The following KHDRBS2 variants were observed in gnomAD, a reference collection of about 807,000 sequenced individuals.
KHDRBS2 encodes the protein KH RNA binding domain containing, signal transduction associated 2, also known as KH domain-containing, RNA-binding, signal transduction-associated protein 2.
A neutral mutation model predicts 44.3 loss-of-function variants in KHDRBS2; 26 were observed. The observed-to-expected ratio is 0.59, with a 90% CI of 0.43 to 0.81. KHDRBS2 has a LOEUF of 0.81. Among genes scored for constraint, KHDRBS2 ranks in the 40% least tolerant of loss-of-function variants. The pLI is 0.00. For missense variants in KHDRBS2, 476 were observed against 433.1 expected, an observed-to-expected ratio of 1.10 and a Z score of -0.88; for synonymous variants, 194 against 151.1, an observed-to-expected ratio of 1.28 and a Z score of -2.08.
chr6:62,053,163 A>T (rs994410544), intron 2 of KHDRBS2, among the ~76,000 whole-genome samples: 16 of 152,054 alleles, frequency 1.1e-4, no homozygotes, highest in Non-Finnish European at 2.4e-4. Context: ...TCATAATGAA[A>T]TGTACTATAA....
At chr6:62,257,548 A>C (rs1837597421) in intron 1 of KHDRBS2, among the ~76,000 whole-genome samples, 1 of 152,066 alleles carries the variant, frequency 6.6e-6, no homozygotes, top group Admixed American at 6.6e-5. Context: ...TATTTTCAAA[A>C]GTTACTGTGA....
intron 1 of KHDRBS2, among the ~76,000 whole-genome samples, chr6:62,203,404 T>C (rs944374761): frequency 4.6e-5 from 7 of 152,146 alleles, no homozygotes; most frequent in Non-Finnish European, 1.0e-4. Context: ...TTGATATTTA[T>C]TTAGAAGATA....
chr6:61,957,308 A>G (rs1767591053), intron 4 of KHDRBS2, among the ~76,000 whole-genome samples: 1 of 152,216 alleles, frequency 6.6e-6, no homozygotes, highest in East Asian at 1.9e-4. Context: ...TTGATAAAAG[A>G]ACAGGATAAC....
chr6:62,105,434 G>C (rs80119948), intron 2 of KHDRBS2, among the ~76,000 whole-genome samples: 2,269 of 152,186 alleles, frequency 0.015, 154 homozygotes, highest in Admixed American at 0.11. Context: ...GTAAGCTATT[G>C]ATTATTGCCA....
At chr6:62,273,378 T>C (rs1424702612) in intron 1 of KHDRBS2, among the ~76,000 whole-genome samples, 2 of 152,196 alleles carry the variant, frequency 1.3e-5, no homozygotes, top group African/African-American at 2.4e-5. Context: ...GTCTGTTCTT[T>C]GTTGCCAAAT....
At chr6:61,943,327 A>C (rs2127377643) in intron 4 of KHDRBS2, among the ~76,000 whole-genome samples, 1 of 152,200 alleles carries the variant, frequency 6.6e-6, no homozygotes, top group Non-Finnish European at 1.5e-5. Context: ...GGTAAAGCAA[A>C]CAGACAAATA....
chr6:61,873,773 T>C (rs1319273659), intron 6 of KHDRBS2, among the ~76,000 whole-genome samples: 3 of 152,030 alleles, frequency 2.0e-5, no homozygotes, highest in Non-Finnish European at 4.4e-5. Flanking sequence ...AAAATATGCA[T>C]AGTATGAGTC....
chr6:61,687,708 C>A (rs940330771), intron 8 of KHDRBS2, among the ~76,000 whole-genome samples: 13 of 151,872 alleles, frequency 8.6e-5, no homozygotes, highest in Admixed American at 4.6e-4. Flanking sequence ...CATATTATAA[C>A]CTGGTTTCAC....
intron 3 of KHDRBS2, among the ~76,000 whole-genome samples, chr6:62,047,393 C>T (rs1332264189): frequency 6.6e-6 from 1 of 151,958 alleles, no homozygotes; most frequent in East Asian, 1.9e-4. Context: ...ATCATTGAAG[C>T]ATTTCAAGAA....
intron 2 of KHDRBS2, among the ~76,000 whole-genome samples, chr6:62,085,855 A>G (rs1798279863): frequency 6.6e-6 from 1 of 152,184 alleles, no homozygotes; most frequent in South Asian, 2.1e-4. Flanking sequence ...GGAGGGAAAA[A>G]TAATTTACTT....
intron 6 of KHDRBS2, among the ~76,000 whole-genome samples, chr6:61,852,805 G>A (rs1279049226): frequency 1.3e-5 from 2 of 152,064 alleles, no homozygotes; most frequent in Non-Finnish European, 2.9e-5. Flanking sequence ...CTTAAAAATT[G>A]AGTGTGTGTG....
At chr6:61,901,127 T>G (rs1803933034) in intron 5 of KHDRBS2, 117 bp downstream of exon 5, 3 of 919,620 alleles carry the variant, frequency 3.3e-6, no homozygotes, top group Admixed American at 2.4e-5. Flanking sequence ...GTTTTTGCTG[T>G]GGTGGTAGTG....
the KHDRBS2 span, among the ~76,000 whole-genome samples, chr6:61,599,845 A>G: frequency 6.6e-6 from 1 of 152,192 alleles, no homozygotes; most frequent in Non-Finnish European, 1.5e-5. Context: ...GGTCCCCCAA[A>G]TGGCAGAGAC....
intron 5 of KHDRBS2, among the ~76,000 whole-genome samples, chr6:61,895,685 G>A (rs1246471595): frequency 3.3e-5 from 5 of 152,206 alleles, no homozygotes; most frequent in East Asian, 1.9e-4. Context: ...AAGTCTTTGG[G>A]CAAAAGAACA....
At chr6:61,896,056 A>T (rs1802883078) in intron 5 of KHDRBS2, among the ~76,000 whole-genome samples, 1 of 152,130 alleles carries the variant, frequency 6.6e-6, no homozygotes, top group South Asian at 2.1e-4. Flanking sequence ...AAACACAAAG[A>T]CCCAGAGGCC....
At chr6:61,687,867 TTTA>T (rs1766991626) in intron 8 of KHDRBS2, among the ~76,000 whole-genome samples, 1 of 151,786 alleles carries the variant, frequency 6.6e-6, no homozygotes, top group Admixed American at 6.6e-5. Context: ...ATGCATAATT[TTTA>T]TCAGCTTCTG....
At chr6:62,048,241 T>A (rs1018236253) in intron 2 of KHDRBS2, among the ~76,000 whole-genome samples, 6 of 151,808 alleles carry the variant, frequency 4.0e-5, no homozygotes, top group Admixed American at 3.3e-4. Context: ...AAGTGAAAAG[T>A]ATGTTGAAAA....
At chr6:61,977,964 T>C (rs1773041615) in intron 4 of KHDRBS2, 102 bp downstream of exon 4, 3 of 979,020 alleles carry the variant, frequency 3.1e-6, no homozygotes, top group Non-Finnish European at 4.5e-6. Context: ...GATCATTGGT[T>C]TGCAATATGA....
chr6:61,956,119 G>A (rs1275391768), intron 4 of KHDRBS2, among the ~76,000 whole-genome samples: 4 of 151,934 alleles, frequency 2.6e-5, no homozygotes, highest in Admixed American at 2.0e-4. Flanking sequence ...ACTTGAACCC[G>A]GGAGGCACAG....
Sources: allele counts gnomAD v4.1 joint callset (sites outside exome capture counted in the v4.1 genomes callset), GRCh38; gene constraint gnomAD v4.1.1; transcripts MANE v1.5; gene names NCBI Gene and HGNC (gene_info 2026-07-23, HGNC 2026-07-21).